The following TMEFF2 variants were observed in gnomAD, a reference collection of about 807,000 sequenced individuals.
The protein encoded by TMEFF2 is transmembrane protein with EGF like and two follistatin like domains 2.
TMEFF2 carries 28 observed loss-of-function variants against 53.8 expected under a neutral mutation model. The observed-to-expected ratio is 0.52, with a 90% CI of 0.39 to 0.71. The LOEUF (loss-of-function observed/expected upper bound fraction) is 0.71, where lower values mean the gene tolerates loss of function less well. Ranked by LOEUF, TMEFF2 falls within the 30% of genes least tolerant of loss-of-function variation. TMEFF2 has a pLI of 0.00. For synonymous variants in TMEFF2, 162 were observed against 166.3 expected (o/e 0.97, Z 0.20); for missense variants, 353 against 455.2 (o/e 0.78, Z 2.04).
intron 1 of TMEFF2, among the ~76,000 whole-genome samples, chr2:192,192,966 A>C (rs1429159283): frequency 6.6e-6 from 1 of 152,242 alleles, no homozygotes; most frequent in Admixed American, 6.5e-5. Flanking sequence ...AAAAAAGAGA[A>C]CAATCTATTG....
chr2:191,992,026 A>C (rs1322385162), intron 7 of TMEFF2, among the ~76,000 whole-genome samples: 1 of 152,136 alleles, frequency 6.6e-6, no homozygotes, highest in Non-Finnish European at 1.5e-5. Context: ...CTCTAATGTA[A>C]ATCCCAGAGG....
intron 4 of TMEFF2, among the ~76,000 whole-genome samples, chr2:192,109,257 C>T (rs1689221305): frequency 6.6e-6 from 1 of 151,934 alleles, no homozygotes; most frequent in Non-Finnish European, 1.5e-5. Context: ...GTACTATATT[C>T]TTATTTATGG....
At chr2:191,955,970 G>A (rs1205526290) in intron 8 of TMEFF2, among the ~76,000 whole-genome samples, 1 of 152,090 alleles carries the variant, frequency 6.6e-6, no homozygotes. Flanking sequence ...GGAGGAACTT[G>A]TACCTTTAAG....
chr2:192,076,311 T>C (rs1688431017), intron 4 of TMEFF2, among the ~76,000 whole-genome samples: 1 of 152,146 alleles, frequency 6.6e-6, no homozygotes, highest in South Asian at 2.1e-4. Context: ...TTTCTTCCTT[T>C]CCTATTATTA....
intron 7 of TMEFF2, among the ~76,000 whole-genome samples, chr2:191,994,460 C>A (rs1686175820): frequency 6.7e-6 from 1 of 149,286 alleles, no homozygotes. Flanking sequence ...CATGACCAAA[C>A]TTTTAGACAG....
intron 4 of TMEFF2, among the ~76,000 whole-genome samples, chr2:192,146,850 G>A (rs868198058): frequency 4.6e-5 from 7 of 152,090 alleles, no homozygotes; most frequent in Admixed American, 1.3e-4. Flanking sequence ...GGCTTACAGC[G>A]TAAGCTAAGC....
intron 7 of TMEFF2, among the ~76,000 whole-genome samples, chr2:191,956,791 C>T (rs941300288): frequency 5.3e-5 from 8 of 152,140 alleles, no homozygotes; most frequent in East Asian, 1.9e-4. Flanking sequence ...TTTCGCAATA[C>T]GAAAGCTTAA....
chr2:192,064,626 A>C (rs151024743), intron 4 of TMEFF2, among the ~76,000 whole-genome samples: 20 of 151,940 alleles, frequency 1.3e-4, no homozygotes, highest in South Asian at 4.1e-4. Context: ...TTTCTGATAA[A>C]AGGATTATAT....
intron 5 of TMEFF2, among the ~76,000 whole-genome samples, chr2:192,048,810 G>A (rs114400300): frequency 6.0e-4 from 91 of 152,272 alleles, no homozygotes; most frequent in Non-Finnish European, 1.1e-3. Context: ...CAGGCAAATT[G>A]AATTGAAGCA....
chr2:191,989,833 A>G (rs554823304), intron 7 of TMEFF2, among the ~76,000 whole-genome samples: 6 of 152,102 alleles, frequency 3.9e-5, no homozygotes, highest in African/African-American at 1.2e-4. Flanking sequence ...CTCACCCAAA[A>G]CTATGCTCCA....
At chr2:192,110,555 T>C (rs1689249612) in intron 4 of TMEFF2, among the ~76,000 whole-genome samples, 1 of 152,260 alleles carries the variant, frequency 6.6e-6, no homozygotes, top group Non-Finnish European at 1.5e-5. Flanking sequence ...CAATTCTTTC[T>C]ATTTCTTCTA....
At chr2:192,081,586 G>A (rs1330739145) in intron 4 of TMEFF2, among the ~76,000 whole-genome samples, 1 of 152,124 alleles carries the variant, frequency 6.6e-6, no homozygotes, top group African/African-American at 2.4e-5. Context: ...GCCAGAGGGT[G>A]AGGGATGATA....
chr2:192,041,655 G>A (rs572651603), intron 5 of TMEFF2, among the ~76,000 whole-genome samples: 71 of 151,950 alleles, frequency 4.7e-4, no homozygotes, highest in Non-Finnish European at 8.8e-4. Context: ...ACACAATCTC[G>A]TACATAAATG....
intron 5 of TMEFF2, among the ~76,000 whole-genome samples, chr2:192,021,096 C>T (rs1036628356): frequency 2.0e-5 from 3 of 152,128 alleles, no homozygotes; most frequent in African/African-American, 7.2e-5. Flanking sequence ...TCCCTTACAT[C>T]TTAAAGAGAG....
intron 7 of TMEFF2, among the ~76,000 whole-genome samples, chr2:191,957,081 G>A (rs572494460): frequency 5.3e-5 from 8 of 152,250 alleles, no homozygotes; most frequent in Admixed American, 4.6e-4. Context: ...CTAAACTTAC[G>A]ATAACGAATA....
At chr2:192,167,459 CTATT>C (rs1690796647) in intron 4 of TMEFF2, among the ~76,000 whole-genome samples, 1 of 152,114 alleles carries the variant, frequency 6.6e-6, no homozygotes, top group East Asian at 1.9e-4. Context: ...ACGCCTGCAG[CTATT>C]TAAAATTCCA....
chr2:192,163,113 T>C (rs114785944), intron 4 of TMEFF2, among the ~76,000 whole-genome samples: 2,268 of 152,316 alleles, frequency 0.015, 54 homozygotes, highest in African/African-American at 0.051. Context: ...TGACTTTCTA[T>C]ATTGCTCTGT....
At chr2:191,981,220 A>G (rs1685844787) in intron 7 of TMEFF2, among the ~76,000 whole-genome samples, 1 of 152,186 alleles carries the variant, frequency 6.6e-6, no homozygotes, top group Admixed American at 6.5e-5. Flanking sequence ...ACTTAGCTCC[A>G]GTTGCTCCAC....
chr2:192,138,328 G>A (rs969711113), intron 4 of TMEFF2, among the ~76,000 whole-genome samples: 14 of 152,318 alleles, frequency 9.2e-5, no homozygotes, highest in Middle Eastern at 6.8e-3. Context: ...CTGAGCCAAC[G>A]TAAGTGGCTA....
Sources: allele counts gnomAD v4.1 joint callset (sites outside exome capture counted in the v4.1 genomes callset), GRCh38; gene constraint gnomAD v4.1.1; transcripts MANE v1.5; gene names NCBI Gene and HGNC (gene_info 2026-07-23, HGNC 2026-07-21).